C12orf42: variants seen among roughly 807,000 people sequenced by gnomAD.
C12orf42 encodes uncharacterized protein C12orf42.
A neutral mutation model predicts 21.6 loss-of-function variants in C12orf42; 25 were observed. That is an observed-to-expected ratio of 1.16 (90% CI 0.84 to 1.62). The LOEUF (loss-of-function observed/expected upper bound fraction) is 1.62, where lower values mean the gene tolerates loss of function less well. Among genes scored for constraint, C12orf42 ranks in the 40% most tolerant of loss-of-function variants. The pLI, the probability that C12orf42 is intolerant of heterozygous loss-of-function variation, is 0.00. For missense variants in C12orf42, 483 were observed against 459.3 expected (o/e 1.05, Z -0.47); for synonymous variants, 174 against 175.0 (o/e 0.99, Z 0.05).
the C12orf42 span, among the ~76,000 whole-genome samples, chr12:103,518,334 T>C: frequency 6.6e-6 from 1 of 152,152 alleles, no homozygotes; most frequent in Non-Finnish European, 1.5e-5. Flanking sequence ...AGCCATCCCA[T>C]TGGATTCTCT....
chr12:103,223,680 T>C, the C12orf42 span, among the ~76,000 whole-genome samples: 1 of 152,108 alleles, frequency 6.6e-6, no homozygotes, highest in Non-Finnish European at 1.5e-5. Context: ...AGACAGAAGA[T>C]AGTAGGGATG....
the C12orf42 span, among the ~76,000 whole-genome samples, chr12:103,177,046 T>A: frequency 6.6e-6 from 1 of 152,308 alleles, no homozygotes; most frequent in East Asian, 1.9e-4. Context: ...GATATGAGAC[T>A]GTATCCTGAA....
intron 2 of C12orf42, among the ~76,000 whole-genome samples, chr12:103,426,335 T>C (rs980954462): frequency 6.6e-6 from 1 of 152,148 alleles, no homozygotes; most frequent in Non-Finnish European, 1.5e-5. Flanking sequence ...CAAAGCTGAA[T>C]TGATCAAGTG....
chr12:103,180,021 T>C, the C12orf42 span, among the ~76,000 whole-genome samples: 2 of 152,004 alleles, frequency 1.3e-5, no homozygotes, highest in Non-Finnish European at 2.9e-5. Flanking sequence ...CAAATTCTGG[T>C]GCCTCCTGGG....
At chr12:103,191,543 C>CAAAAAAAAAAAAAAAA in the C12orf42 span, among the ~76,000 whole-genome samples, 79 of 58,120 alleles carry the variant, frequency 1.4e-3, no homozygotes, top group Admixed American at 1.8e-3. Context: ...CTCCACTCTA[C>CAAAAAAAAAAAAAAAA]AAAAAAAAAA....
chr12:103,199,920 G>C, the C12orf42 span, among the ~76,000 whole-genome samples: 4 of 152,108 alleles, frequency 2.6e-5, no homozygotes, highest in Admixed American at 2.0e-4. Flanking sequence ...AAAACGGTTT[G>C]GAGGTCCCCA....
the C12orf42 span, among the ~76,000 whole-genome samples, chr12:103,512,708 T>G: frequency 3.9e-5 from 6 of 152,262 alleles, no homozygotes; most frequent in South Asian, 1.2e-3. Flanking sequence ...AAGTTGATCC[T>G]TAAGAAGAGA....
At chr12:103,457,411 C>T (rs1474043689) in intron 2 of C12orf42, among the ~76,000 whole-genome samples, 2 of 152,110 alleles carry the variant, frequency 1.3e-5, no homozygotes, top group African/African-American at 4.8e-5. Flanking sequence ...TGCTAGTCTG[C>T]CCTTCCTCTG....
chr12:103,071,489 G>A, the C12orf42 span, among the ~76,000 whole-genome samples: 1 of 152,008 alleles, frequency 6.6e-6, no homozygotes, highest in Non-Finnish European at 1.5e-5. Flanking sequence ...GATATGATTC[G>A]GCTGTGTTCC....
intron 2 of C12orf42, among the ~76,000 whole-genome samples, chr12:103,453,573 T>C (rs1218133375): frequency 6.6e-6 from 1 of 152,068 alleles, no homozygotes. Context: ...TAATTTCTGC[T>C]CTTATCTTTA....
chr12:103,340,209 G>A (rs1233853154), intron 4 of C12orf42, among the ~76,000 whole-genome samples: 2 of 152,170 alleles, frequency 1.3e-5, no homozygotes, highest in Non-Finnish European at 2.9e-5. Flanking sequence ...GAGTTCTCCA[G>A]GAGTCTATAG....
the C12orf42 span, chr12:103,559,183 T>C: frequency 6.6e-6 from 1 of 152,084 alleles, no homozygotes; most frequent in African/African-American, 2.4e-5. Context: ...CTCTAGGAGG[T>C]TGAAGTCTGA....
chr12:103,408,230 G>C (rs756927588), intron 2 of C12orf42, among the ~76,000 whole-genome samples: 1 of 152,180 alleles, frequency 6.6e-6, no homozygotes, highest in Non-Finnish European at 1.5e-5. Context: ...TGGAAATATA[G>C]GCTGTGGGTG....
intron 2 of C12orf42, among the ~76,000 whole-genome samples, chr12:103,477,594 G>C (rs560949351): frequency 6.6e-6 from 1 of 152,218 alleles, no homozygotes; most frequent in South Asian, 2.1e-4. Flanking sequence ...GTTGAAGAGG[G>C]AGGCAGAAGA....
chr12:103,049,534 G>A, the C12orf42 span, among the ~76,000 whole-genome samples: 1,221 of 152,210 alleles, frequency 8.0e-3, 15 homozygotes, highest in African/African-American at 0.028. Flanking sequence ...AGCAATCAGC[G>A]TGTTCCTGTT....
At chr12:103,197,893 G>A in the C12orf42 span, among the ~76,000 whole-genome samples, 1 of 152,206 alleles carries the variant, frequency 6.6e-6, no homozygotes, top group South Asian at 2.1e-4. Context: ...CCAGGCCCAT[G>A]GCTTTGTTCT....
chr12:103,283,068 G>A (rs573568461), intron 4 of C12orf42, among the ~76,000 whole-genome samples: 2 of 152,124 alleles, frequency 1.3e-5, no homozygotes, highest in Non-Finnish European at 2.9e-5. Context: ...GAGGTCTTCT[G>A]TTTTATCTTT....
intron 2 of C12orf42, among the ~76,000 whole-genome samples, chr12:103,475,181 AC>A (rs1953951247): frequency 6.6e-6 from 1 of 152,218 alleles, no homozygotes; most frequent in Non-Finnish European, 1.5e-5. Context: ...GACCCAGGTC[AC>A]CTCATCCCAG....
chr12:103,488,010 G>A (rs1000028034), intron 1 of C12orf42, among the ~76,000 whole-genome samples: 1 of 152,146 alleles, frequency 6.6e-6, no homozygotes, highest in African/African-American at 2.4e-5. Context: ...GATGTTAGCT[G>A]GTTATTTTGC....
Sources: allele counts gnomAD v4.1 joint callset (sites outside exome capture counted in the v4.1 genomes callset), GRCh38; gene constraint gnomAD v4.1.1; transcripts MANE v1.5; gene names NCBI Gene and HGNC (gene_info 2026-07-23, HGNC 2026-07-21).